The following UVRAG variants were observed in gnomAD, a reference collection of about 807,000 sequenced individuals.
The protein encoded by UVRAG is UV radiation resistance-associated gene protein.
In UVRAG, 19 loss-of-function variants were observed where a neutral mutation model predicts 78.0. The observed-to-expected ratio is 0.24, with a 90% CI of 0.17 to 0.36. The LOEUF (loss-of-function observed/expected upper bound fraction) is 0.36, where lower values mean the gene tolerates loss of function less well. Among genes scored for constraint, UVRAG ranks in the 10% least tolerant of loss-of-function variants. The pLI, the probability that UVRAG is intolerant of heterozygous loss-of-function variation, is 1.00. For missense variants in UVRAG, 740 were observed against 853.8 expected, an observed-to-expected ratio of 0.87 and a Z score of 1.66; for synonymous variants, 323 against 324.6, an observed-to-expected ratio of 1.00 and a Z score of 0.05.
intron 6 of UVRAG, among the ~76,000 whole-genome samples, chr11:75,925,322 T>C (rs1216165511): frequency 1.3e-5 from 2 of 152,222 alleles, no homozygotes; most frequent in Non-Finnish European, 2.9e-5. Context: ...AGAAAACTTA[T>C]TGATGATTTT....
chr11:75,844,572 T>C (rs1031253911), intron 1 of UVRAG, among the ~76,000 whole-genome samples: 5 of 152,090 alleles, frequency 3.3e-5, no homozygotes, highest in African/African-American at 1.2e-4. Context: ...GAAAAACAGC[T>C]ATTCTGGGTT....
At chr11:76,005,290 C>T (rs1486313346) in intron 9 of UVRAG, among the ~76,000 whole-genome samples, 1 of 152,058 alleles carries the variant, frequency 6.6e-6, no homozygotes, top group Non-Finnish European at 1.5e-5. Context: ...TTGCAGTGAG[C>T]CGAGATGGCG....
At chr11:76,015,931 C>T (rs1950138189) in intron 11 of UVRAG, among the ~76,000 whole-genome samples, 1 of 152,204 alleles carries the variant, frequency 6.6e-6, no homozygotes, top group Admixed American at 6.5e-5. Flanking sequence ...CACACACGTG[C>T]ACTTGTGCAC....
intron 3 of UVRAG, among the ~76,000 whole-genome samples, chr11:75,863,067 A>G (rs948933838): frequency 6.6e-6 from 1 of 152,118 alleles, no homozygotes; most frequent in South Asian, 2.1e-4. Context: ...CAGGACCAGA[A>G]CCCCAATCTA....
In UVRAG at chr11:75,875,800, C is replaced by G. The variant is rs543176209; in HGVS notation, c.271-4079C>G. On this transcript the variant is annotated intron_variant, in intron 3 of 14. Transcript: ENST00000356136. Reference sequence around the variant, plus strand: ...TTAGGGGTATAGCCCTTTTGTGGTCCTCAGTGTGGAGAGGGACATTTTTTA... The same window carrying G: ...TTAGGGGTATAGCCCTTTTGTGGTCGTCAGTGTGGAGAGGGACATTTTTTA... Among the ~76,000 whole-genome samples, 5 of 152,062 alleles carry G rather than the reference C, an allele frequency of 3.3e-5. No individual in the cohort carries two copies. The South Asian group carries it at 1.0e-3, about 32-fold the overall frequency.
At chr11:75,958,827 C>T (rs769968580) in intron 6 of UVRAG, among the ~76,000 whole-genome samples, 40 of 152,174 alleles carry the variant, frequency 2.6e-4, no homozygotes, top group Non-Finnish European at 5.1e-4. Flanking sequence ...AATAATAAAA[C>T]TTGAAAGTTG....
rs547331958 is a variant in UVRAG, at chr11:76,140,704, C to T, written c.1398-7C>T. ...AAAGTAACTTCTTGTTTTTGTTTCTCTTCTAGTGACAGACATCACACCTCC... is the reference window on the plus strand; with the variant it reads ...AAAGTAACTTCTTGTTTTTGTTTCTTTTCTAGTGACAGACATCACACCTCC... On this transcript the variant is annotated splice_polypyrimidine_tract_variant and splice_region_variant and intron_variant, in intron 14 of 14. Transcript: ENST00000356136. 1.3e-6 allele frequency: 2 copies of T among 1,554,726 alleles called. No homozygotes were observed. The highest frequency in any genetic ancestry group is 2.0e-5 in the Admixed American group (1 of 48,786).
intron 13 of UVRAG, among the ~76,000 whole-genome samples, chr11:76,106,936 A>ACC (rs754414501): frequency 0.92 from 139,721 of 152,154 alleles, 64,584 homozygotes; most frequent in African/African-American, 0.97. Context: ...GGGCTGATTA[A>ACC]ACTGATTAAA....
chr11:76,061,516 T>G (rs1951094142), intron 12 of UVRAG, among the ~76,000 whole-genome samples: 1 of 152,096 alleles, frequency 6.6e-6, no homozygotes, highest in Non-Finnish European at 1.5e-5. Context: ...TTATGAGCTG[T>G]AACACTCACC....
chr11:76,107,842 TA>T (rs1380661844), intron 13 of UVRAG, among the ~76,000 whole-genome samples: 1 of 152,134 alleles, frequency 6.6e-6, no homozygotes, highest in East Asian at 1.9e-4. Context: ...CAGTGAAACT[TA>T]GTAGTACTTA....
intron 1 of UVRAG, among the ~76,000 whole-genome samples, chr11:75,823,561 CT>C (rs1442450857): frequency 6.6e-6 from 1 of 152,182 alleles, no homozygotes; most frequent in Non-Finnish European, 1.5e-5. Flanking sequence ...TCTCTACCTC[CT>C]GGCTTCGAGC....
At chr11:75,877,054 A>G (rs904782470) in intron 3 of UVRAG, among the ~76,000 whole-genome samples, 2 of 151,202 alleles carry the variant, frequency 1.3e-5, no homozygotes, top group African/African-American at 4.9e-5. Context: ...ATGACTCTTA[A>G]CGAGCATGCT....
At chr11:75,957,111 T>C (rs1162214713) in intron 6 of UVRAG, among the ~76,000 whole-genome samples, 1 of 152,178 alleles carries the variant, frequency 6.6e-6, no homozygotes, top group African/African-American at 2.4e-5. Context: ...ATTAATTCTT[T>C]TTATGTCTTC....
chr11:75,835,667 T>A (rs1486150792), intron 1 of UVRAG, among the ~76,000 whole-genome samples: 3 of 152,204 alleles, frequency 2.0e-5, no homozygotes, highest in African/African-American at 7.2e-5. Context: ...AAGAGAGGAA[T>A]GTGGTTATCA....
intron 5 of UVRAG, among the ~76,000 whole-genome samples, chr11:75,907,093 C>G (rs544847265): frequency 6.6e-6 from 1 of 152,320 alleles, no homozygotes; most frequent in South Asian, 2.1e-4. Context: ...AATATCTTAT[C>G]TAGATTGCTT....
chr11:75,865,063 G>T (rs1457866190), intron 3 of UVRAG, among the ~76,000 whole-genome samples: 1 of 152,060 alleles, frequency 6.6e-6, no homozygotes, highest in East Asian at 1.9e-4. Context: ...TGAGGCGGGC[G>T]GATCATCTGA....
chr11:76,041,704 C>T (rs1351788300), intron 12 of UVRAG, among the ~76,000 whole-genome samples: 1 of 152,188 alleles, frequency 6.6e-6, no homozygotes, highest in Non-Finnish European at 1.5e-5. Flanking sequence ...TCCATATAGG[C>T]AGTCGTCTTC....
At chr11:76,006,178 C>T (rs1949934608) in intron 9 of UVRAG, among the ~76,000 whole-genome samples, 1 of 152,150 alleles carries the variant, frequency 6.6e-6, no homozygotes, top group Non-Finnish European at 1.5e-5. Context: ...TCTTATCGCT[C>T]AGGAAATTCC....
At chr11:75,848,251 TG>T (rs1946079275) in intron 1 of UVRAG, among the ~76,000 whole-genome samples, 1 of 152,124 alleles carries the variant, frequency 6.6e-6, no homozygotes, top group South Asian at 2.1e-4. Flanking sequence ...GGAAGTATCT[TG>T]GATTTTAATT....
Sources: gnomAD v4.1 joint callset for allele counts (sites outside exome capture counted in the v4.1 genomes callset) on GRCh38, gnomAD v4.1.1 for gene constraint, MANE v1.5 for transcripts, NCBI Gene and HGNC (gene_info 2026-07-23, HGNC 2026-07-21) for gene names.